PSMD12: variants seen among roughly 807,000 people sequenced by gnomAD.
PSMD12 encodes the protein proteasome 26S subunit, non-ATPase 12.
In PSMD12, 8 loss-of-function variants were observed where a neutral mutation model predicts 62.9. The observed-to-expected ratio is 0.13, with a 90% CI of 0.07 to 0.23. The LOEUF is 0.23. Ranked by LOEUF, PSMD12 falls within the 10% of genes least tolerant of loss-of-function variation. The pLI is 1.00. For synonymous variants in PSMD12, 173 were observed against 187.4 expected (o/e 0.92, Z 0.63); for missense variants, 424 against 550.2 (o/e 0.77, Z 2.29).
In PSMD12 at chr17:67,339,071, CTCTG is replaced by C. The variant is rs1030985332; in HGVS notation, c.*1768_*1771del. ...CATTCAAAGGAAAATTAAAACCATA[CTCTG>C]TTAGTGTGAACTTCTGTTTCTGAAC... On this transcript the variant is annotated 3_prime_UTR_variant, in exon 11 of 11. Coordinates refer to ENST00000356126, the MANE Select transcript of PSMD12 (RefSeq NM_002816.5). 2 of 151,850 alleles carry C rather than the reference CTCTG, an allele frequency of 1.3e-5. No individual in the cohort carries two copies. Among genetic ancestry groups the C allele is most frequent in the African/African-American group, 4.8e-5 (2 of 41,358 alleles). The allele number at this position is 151,850 out of a possible 1,614,324, so 9.4% of individuals were successfully genotyped here.
chr17:67,358,111 T>C (rs908515763), intron 1 of PSMD12, among the ~76,000 whole-genome samples: 4 of 152,060 alleles, frequency 2.6e-5, no homozygotes, highest in African/African-American at 7.2e-5. Flanking sequence ...TTTGTAGAGA[T>C]GGGCTTTCAC....
chr17:67,342,446 A>G, intron 9 of PSMD12, 183 bp from the exon 10 acceptor site: 1 of 479,404 alleles, frequency 2.1e-6, no homozygotes, highest in Non-Finnish European at 3.7e-6. Flanking sequence ...ATACTTAGAT[A>G]TTTTGGTTTC....
At chr17:67,351,392 A>AAATAATAAT (rs56142901) in intron 3 of PSMD12, among the ~76,000 whole-genome samples, 22,613 of 139,928 alleles carry the variant, frequency 0.16, 1,972 homozygotes, top group African/African-American at 0.19. Flanking sequence ...ACTTGTCTCA[A>AAATAATAAT]AATAATAATA....
At chr17:67,366,364 G>C in intron 1 of PSMD12, 48 bp downstream of exon 1, 1 of 1,545,124 alleles carries the variant, frequency 6.5e-7, no homozygotes, top group South Asian at 1.1e-5. Context: ...GCTCCGCGCC[G>C]TGACTCAGCC....
At chr17:67,352,080 CA>C (rs566803266) in intron 3 of PSMD12, among the ~76,000 whole-genome samples, 3,376 of 107,692 alleles carry the variant, frequency 0.031, 88 homozygotes, top group African/African-American at 0.093. Context: ...GAATCTCTCT[CA>C]AAAAAAAAAA....
At chr17:67,366,353 G>A (rs898108085) in intron 1 of PSMD12, 59 bp downstream of exon 1, 4 of 1,510,474 alleles carry the variant, frequency 2.6e-6, no homozygotes, top group African/African-American at 2.8e-5. Context: ...GGCCTAAGCA[G>A]GCTCCGCGCC....
intron 4 of PSMD12, among the ~76,000 whole-genome samples, chr17:67,349,714 A>G (rs1425874708): frequency 6.6e-6 from 1 of 152,236 alleles, no homozygotes; most frequent in East Asian, 1.9e-4. Context: ...TTTTGTAGCT[A>G]TAAGTAATGT....
intron 1 of PSMD12, among the ~76,000 whole-genome samples, chr17:67,358,424 T>C (rs1380093018): frequency 6.6e-6 from 1 of 151,722 alleles, no homozygotes; most frequent in Non-Finnish European, 1.5e-5. Flanking sequence ...AAAAATTAGC[T>C]GGGCATTGTG....
intron 1 of PSMD12, among the ~76,000 whole-genome samples, chr17:67,358,175 G>A (rs2042094427): frequency 6.6e-6 from 1 of 151,982 alleles, no homozygotes; most frequent in African/African-American, 2.4e-5. Flanking sequence ...ATCCCACCTC[G>A]GCCTCCCAAA....
At chr17:67,342,762 C>T (rs1413070518) in intron 9 of PSMD12, among the ~76,000 whole-genome samples, 3 of 151,862 alleles carry the variant, frequency 2.0e-5, no homozygotes, top group Non-Finnish European at 2.9e-5. Context: ...ACAGCAAGAC[C>T]CCATCCCCAC....
In PSMD12 at chr17:67,342,764, C is replaced by T. The variant is rs540253325; in HGVS notation, c.1084-501G>A. Among the ~76,000 whole-genome samples the T allele has an allele frequency of 1.2e-4, 18 of 152,088 alleles. 1 individual carries two copies. The South Asian group carries it at 3.7e-3, about 32-fold the overall frequency. On this transcript the variant is annotated intron_variant, in intron 9 of 10. Coordinates refer to ENST00000356126, the MANE Select transcript of PSMD12 (RefSeq NM_002816.5). ...CCAGCCTGGGAACACAGCAAGACCC[C>T]ATCCCCACAAAAAATTTAAAAATTA...
At chr17:67,345,367 C>A (rs56699638) in intron 8 of PSMD12, among the ~76,000 whole-genome samples, 7 of 152,178 alleles carry the variant, frequency 4.6e-5, no homozygotes, top group Non-Finnish European at 2.9e-5. Context: ...TTAGGCCAGG[C>A]GCAGTGGCTC....
Position 67,340,800 on chromosome 17 carries a change from T to A in PSMD12, c.*43A>T, listed in dbSNP as rs768540235. 92 of 1,456,770 alleles carry A rather than the reference T, an allele frequency of 6.3e-5. No homozygotes were observed. The African/African-American group carries it at 9.6e-4, about 15-fold the overall frequency. The allele number at this position is 1,456,770 out of a possible 1,614,324, so 90.2% of individuals were successfully genotyped here. ...ATACACCATTATAACAGTCTTTTTT[T>A]AATGACTTCCAATTTTAACTTTTTT... On this transcript the variant is annotated 3_prime_UTR_variant, in exon 11 of 11. Transcript: ENST00000356126.
intron 3 of PSMD12, among the ~76,000 whole-genome samples, chr17:67,353,356 C>T (rs1326165099): frequency 6.9e-6 from 1 of 144,444 alleles, no homozygotes; most frequent in Non-Finnish European, 1.6e-5. Flanking sequence ...ACTCTGTCGC[C>T]CAGGCTAGAG....
intron 4 of PSMD12, among the ~76,000 whole-genome samples, chr17:67,349,780 C>G (rs2143702060): frequency 6.6e-6 from 1 of 152,180 alleles, no homozygotes; most frequent in Admixed American, 6.5e-5. Context: ...TACAGTATAA[C>G]CTAAAGCACC....
intron 7 of PSMD12, 129 bp downstream of exon 7, chr17:67,346,987 A>C: frequency 9.9e-7 from 1 of 1,009,620 alleles, no homozygotes. Context: ...AATATACTGA[A>C]CAACACTGAA....
intron 1 of PSMD12, among the ~76,000 whole-genome samples, chr17:67,360,551 G>C (rs751428832): frequency 3.9e-5 from 6 of 152,182 alleles, no homozygotes; most frequent in Non-Finnish European, 7.3e-5. Flanking sequence ...TGTAAGAGCA[G>C]GGATGCCATG....
intron 3 of PSMD12, among the ~76,000 whole-genome samples, chr17:67,350,565 A>C (rs2042008034): frequency 6.6e-6 from 1 of 152,240 alleles, no homozygotes; most frequent in Non-Finnish European, 1.5e-5. Context: ...GATGCAGCCA[A>C]GCAGGAAAAC....
chr17:67,361,790 G>A (rs971868327), intron 1 of PSMD12, among the ~76,000 whole-genome samples: 1 of 142,000 alleles, frequency 7.0e-6, no homozygotes, highest in Non-Finnish European at 1.5e-5. Flanking sequence ...CATTAAGCCA[G>A]GTACAGTGTT....
Sources: allele counts gnomAD v4.1 joint callset (sites outside exome capture counted in the v4.1 genomes callset), GRCh38; gene constraint gnomAD v4.1.1; transcripts MANE v1.5; gene names NCBI Gene and HGNC (gene_info 2026-07-23, HGNC 2026-07-21).